Variants in TTC21A observed in about 807,000 individuals in gnomAD.
TTC21A encodes tetratricopeptide repeat domain 21A, also known as tetratricopeptide repeat protein 21A.
A neutral mutation model predicts 156.4 loss-of-function variants in TTC21A; 128 were observed. That is an observed-to-expected ratio of 0.82 (90% CI 0.71 to 0.95). TTC21A has a LOEUF of 0.95. Among genes scored for constraint, TTC21A ranks in the 40% least tolerant of loss-of-function variants. The pLI is 0.00. For missense variants in TTC21A, 1,435 were observed against 1,602.3 expected (o/e 0.90, Z 1.78); for synonymous variants, 587 against 617.1 (o/e 0.95, Z 0.72).
chr3:39,130,342 C>T lies in TTC21A; in HGVS notation c.2303C>T (p.Ala768Val). Residue 768 changes from alanine to valine, a missense_variant, in exon 17 of 29, where the codon GCC becomes GTC. Transcript: ENST00000683103. The surrounding 1 kb of genome is among the most constrained non-coding windows in gnomAD (Gnocchi z 4.5). ...ASRIGHAYVK[A>V]HQYTEAIEYY... ...AGAATTGGGCACGCTTATGTGAAGG[C>T]CCACCAGTATACTGAGGTCAGGCTG... 1 of 1,613,020 alleles carries T rather than the reference C, an allele frequency of 6.2e-7. No individual in the cohort carries two copies. Among genetic ancestry groups the T allele is most frequent in the Non-Finnish European group, 8.5e-7 (1 of 1,179,464 alleles).
At chr3:39,113,173 T>A (rs1055145172) in intron 5 of TTC21A, among the ~76,000 whole-genome samples, 5 of 152,156 alleles carry the variant, frequency 3.3e-5, no homozygotes, top group Admixed American at 3.3e-4. Flanking sequence ...AGTCAACAGA[T>A]GAATTAAAAT....
At position 39,134,185 on chromosome 3, in the gene TTC21A, CTAGT is replaced by C. The variant is rs754121974; in HGVS notation, c.2752-27_2752-24del. On this transcript the variant is annotated intron_variant, in intron 20 of 28. Transcript: ENST00000683103. This position sits in a 1 kb window ranked among gnomAD's most constrained non-coding sequence, Gnocchi z 4.6. Reference sequence around the variant, plus strand: ...CCCCAGGGGTTTCCCATGGTGTTTACTAGTTAGTTTATTATATCCGGCCTTGTCC... The same window carrying C: ...CCCCAGGGGTTTCCCATGGTGTTTACTAGTTTATTATATCCGGCCTTGTCC... The C allele has an allele frequency of 7.0e-5, 98 of 1,409,030 alleles. No individual in the cohort carries two copies. The African/African-American group carries it at 1.2e-3, about 17-fold the overall frequency. The allele number at this position is 1,409,030 out of a possible 1,614,324, so 87.3% of individuals were successfully genotyped here. A position where few individuals can be genotyped will look rare whatever the true frequency, so the allele number is the denominator to read the frequency against.
chr3:39,108,018 G>A (rs1575479602), intron 1 of TTC21A, 154 bp downstream of exon 1: 1 of 866,872 alleles, frequency 1.2e-6, no homozygotes, highest in Non-Finnish European at 1.8e-6. Flanking sequence ...TGGCAAGGGC[G>A]TCTTCTCCGG....
At position 39,134,194 on chromosome 3, in the gene TTC21A, T is replaced by C. The variant is rs2038941549; in HGVS notation, c.2752-24T>C. ...TTTCCCATGGTGTTTACTAGTTAGTTTATTATATCCGGCCTTGTCCCAGGT... is the reference window on the plus strand; with the variant it reads ...TTTCCCATGGTGTTTACTAGTTAGTCTATTATATCCGGCCTTGTCCCAGGT... On this transcript the variant is annotated intron_variant, in intron 20 of 28. Transcript: ENST00000683103. This position sits in a 1 kb window ranked among gnomAD's most constrained non-coding sequence, Gnocchi z 4.6. The C allele has an allele frequency of 6.5e-7, 1 of 1,531,736 alleles. No individual in the cohort carries two copies. Among genetic ancestry groups the C allele is most frequent in the Non-Finnish European group, 9.0e-7 (1 of 1,105,080 alleles). The allele number at this position is 1,531,736 out of a possible 1,614,324, so 94.9% of individuals were successfully genotyped here.
intron 12 of TTC21A, among the ~76,000 whole-genome samples, 200 bp from the exon 13 acceptor site, chr3:39,128,131 G>A (rs150106158): frequency 9.3e-4 from 142 of 152,290 alleles, no homozygotes; most frequent in African/African-American, 3.3e-3. Flanking sequence ...GTTTCCTGTC[G>A]TTTGTCTGAG....
chr3:39,133,518 G>A (rs1413208767), intron 20 of TTC21A, among the ~76,000 whole-genome samples: 1 of 152,206 alleles, frequency 6.6e-6, no homozygotes, highest in Non-Finnish European at 1.5e-5. Flanking sequence ...AATCACGTTA[G>A]TCTGACATTT....
intron 7 of TTC21A, chr3:39,118,483 T>C (rs1333761800): frequency 7.8e-6 from 3 of 386,716 alleles, no homozygotes; most frequent in Non-Finnish European, 9.5e-6. Flanking sequence ...CAGGACTAAA[T>C]GTGATAAGAA....
chr3:39,123,799 A>G (rs1416685416), intron 9 of TTC21A, among the ~76,000 whole-genome samples: 2 of 152,168 alleles, frequency 1.3e-5, no homozygotes, highest in Admixed American at 6.6e-5. Context: ...AACTAATAGA[A>G]AACACTTGCA....
intron 13 of TTC21A, 29 bp downstream of exon 13, chr3:39,128,517 C>A: frequency 6.2e-7 from 1 of 1,613,304 alleles, no homozygotes; most frequent in African/African-American, 1.3e-5. Flanking sequence ...TCTCAGCATC[C>A]CAAAGCCCAG....
At chr3:39,129,050 C>G in intron 14 of TTC21A, 22 bp from the exon 15 acceptor site, 9 of 1,612,540 alleles carry the variant, frequency 5.6e-6, no homozygotes, top group Non-Finnish European at 6.8e-6. Context: ...AGTGAAGGGT[C>G]TGTTTGATTC....
At position 39,138,794 on chromosome 3, in the gene TTC21A, G is replaced by A. The variant is rs1036907931; in HGVS notation, c.*6G>A. 1 of 1,613,242 alleles carries A rather than the reference G, an allele frequency of 6.2e-7. No homozygotes were observed. The highest frequency in any genetic ancestry group is 1.3e-5 in the African/African-American group (1 of 74,914). On this transcript the variant is annotated 3_prime_UTR_variant, in exon 29 of 29. Coordinates refer to ENST00000683103, the MANE Select transcript of TTC21A (RefSeq NM_001366900.1). ...GAAGGTCCCTGAGGCCCTAGCTGGG[G>A]TCAAGGGGCCTGGACCAGTAGAAGC...
intron 26 of TTC21A, 91 bp downstream of exon 26, chr3:39,137,801 CATATGGAAT>C: frequency 5.9e-6 from 8 of 1,359,118 alleles, no homozygotes; most frequent in Non-Finnish European, 7.1e-6. Flanking sequence ...AGGTAGAGGC[CATATGGAAT>C]AAGAACTAGT....
intron 4 of TTC21A, 116 bp from the exon 5 acceptor site, chr3:39,112,342 G>A (rs995637877): frequency 1.5e-5 from 16 of 1,051,698 alleles, no homozygotes; most frequent in East Asian, 7.2e-5. Context: ...GGATCTGCAC[G>A]GGACTGTGCC....
Position 39,134,339 on chromosome 3 carries a change from C to T in TTC21A, c.2862+11C>T. 6.3e-7 allele frequency: 1 copy of T among 1,577,374 alleles called. No individual in the cohort carries two copies. The highest frequency in any genetic ancestry group is 8.7e-7 in the Non-Finnish European group (1 of 1,146,456). ...GAGACCGCTTCTGTGGTAGGAAGCCCCCAGCACCCACTCCCTCCCCTCCCT... is the reference window on the plus strand; with the variant it reads ...GAGACCGCTTCTGTGGTAGGAAGCCTCCAGCACCCACTCCCTCCCCTCCCT... On this transcript the variant is annotated intron_variant, in intron 21 of 28. Transcript: ENST00000683103. This position sits in a 1 kb window ranked among gnomAD's most constrained non-coding sequence, Gnocchi z 4.6.
At chr3:39,121,226 C>A in intron 9 of TTC21A, 37 bp downstream of exon 9, 2 of 1,575,360 alleles carry the variant, frequency 1.3e-6, no homozygotes, top group South Asian at 2.3e-5. Context: ...GGATGGGTGT[C>A]GGGAGCCAAA....
In TTC21A at chr3:39,128,777, T is replaced by C; in HGVS notation, c.1741T>C (p.Tyr581His). The change falls in exon 14 of 29, where the codon TAT becomes CAT. Residue 581 changes from tyrosine (Y) to histidine (H), a missense_variant. Transcript: ENST00000683103. ...KARALNKAGD[Y>H]PEAIKTLKMV... Reference sequence around the variant, plus strand: ...CAGGGCCCTCAACAAGGCTGGAGACTATCCAGAGGCCATAAAGACGCTGAA... The same window carrying C: ...CAGGGCCCTCAACAAGGCTGGAGACCATCCAGAGGCCATAAAGACGCTGAA... 1 of 1,614,150 alleles carries C rather than the reference T, an allele frequency of 6.2e-7. No homozygotes were observed. Among genetic ancestry groups the C allele is most frequent in the Non-Finnish European group, 8.5e-7 (1 of 1,180,022 alleles).
chr3:39,118,257 ATC>A, intron 7 of TTC21A, 104 bp downstream of exon 7: 1 of 1,122,354 alleles, frequency 8.9e-7, no homozygotes, highest in Non-Finnish European at 1.4e-6. Context: ...GAGCTCCTGG[ATC>A]TCAGCTTCCT....
At chr3:39,122,202 T>G (rs907433496) in intron 9 of TTC21A, among the ~76,000 whole-genome samples, 1 of 151,634 alleles carries the variant, frequency 6.6e-6, no homozygotes, top group African/African-American at 2.4e-5. Flanking sequence ...TCCCAGCTAT[T>G]TGGGACGCTG....
In TTC21A at chr3:39,138,639, T is replaced by G; in HGVS notation, c.3864+16T>G. 1 of 1,614,056 alleles carries G rather than the reference T, an allele frequency of 6.2e-7. No homozygotes were observed. Among genetic ancestry groups the G allele is most frequent in the Non-Finnish European group, 8.5e-7 (1 of 1,179,942 alleles). ...CTGCAACGATGTAAGCCAGCAGCCT[T>G]GGTGGGGAGGGCCTGGTGTAGTGGT... is the stretch of plus-strand genomic sequence containing the variant. On this transcript the variant is annotated intron_variant, in intron 28 of 28. Coordinates refer to ENST00000683103, the MANE Select transcript of TTC21A (RefSeq NM_001366900.1).
Sources: gnomAD v4.1 joint callset for allele counts (sites outside exome capture counted in the v4.1 genomes callset) on GRCh38, gnomAD v4.1.1 for gene constraint, Gnocchi (gnomAD v3.1) non-coding constraint, MANE v1.5 for transcripts, NCBI Gene and HGNC (gene_info 2026-07-23, HGNC 2026-07-21) for gene names.